Variants in UNC13A observed in about 807,000 individuals in gnomAD.
UNC13A encodes the protein unc-13 homolog A, also known as protein unc-13 homolog A.
A neutral mutation model predicts 219.7 loss-of-function variants in UNC13A; 61 were observed. The ratio of observed to expected loss-of-function variants is 0.28; its 90% confidence interval spans 0.23 to 0.34. The LOEUF (loss-of-function observed/expected upper bound fraction) is 0.34. Ranked by LOEUF, UNC13A falls within the 10% of genes least tolerant of loss-of-function variation. UNC13A has a pLI of 1.00. For missense variants in UNC13A, 1,476 were observed against 2,270.3 expected (o/e 0.65, Z 7.11); for synonymous variants, 920 against 884.6 (o/e 1.04, Z -0.71).
At chr19:17,633,739 A>T (rs936505082) in intron 26 of UNC13A, among the ~76,000 whole-genome samples, 5 of 151,558 alleles carry the variant, frequency 3.3e-5, no homozygotes, top group African/African-American at 9.7e-5. Context: ...CTATTTATCC[A>T]TCCATCCCTC....
intron 28 of UNC13A, among the ~76,000 whole-genome samples, chr19:17,631,034 CT>C: frequency 1.6e-5 from 2 of 123,722 alleles, no homozygotes; most frequent in African/African-American, 3.6e-5. Context: ...TCTCTGAGTC[CT>C]CTCTGAGTCC....
chr19:17,625,600 T>C (rs903080294), intron 34 of UNC13A, among the ~76,000 whole-genome samples: 5 of 151,964 alleles, frequency 3.3e-5, no homozygotes, highest in Non-Finnish European at 7.4e-5. Context: ...CACTTATCCA[T>C]TTATCTATCC....
chr19:17,625,043 A>G, intron 34 of UNC13A, 91 bp from the exon 35 acceptor site: 1 of 1,531,444 alleles, frequency 6.5e-7, no homozygotes, highest in Non-Finnish European at 8.8e-7. Flanking sequence ...CATTCCACAG[A>G]TAGGAAAGAG....
chr19:17,654,062 C>A (rs534415932), intron 11 of UNC13A, among the ~76,000 whole-genome samples: 7 of 149,542 alleles, frequency 4.7e-5, no homozygotes, highest in African/African-American at 1.7e-4. Context: ...CTCCTGACCT[C>A]GTGATCCACC....
rs184028674 is a variant in UNC13A, at chr19:17,607,124, C to T, written c.4812-770G>A. 2.8e-3 allele frequency among the ~76,000 whole-genome samples: 422 copies of T among 152,290 alleles called. 1 individual carries two copies. Among genetic ancestry groups the T allele is most frequent in the Non-Finnish European group, 4.4e-3 (302 of 68,038 alleles). ...CCTAAAGGGGCCAATCGCCCCAAAA[C>T]CTTCTGACCAAGAGCCCTGTGCTGA... On this transcript the variant is annotated intron_variant, in intron 43 of 43. Transcript: ENST00000519716.
At chr19:17,619,048 A>G (rs2076698740) in intron 38 of UNC13A, 86 bp from the exon 39 acceptor site, 5 of 1,311,036 alleles carry the variant, frequency 3.8e-6, no homozygotes, top group Non-Finnish European at 5.5e-6. Context: ...TTCTTGCCCA[A>G]AGGCTCTGGG....
At chr19:17,654,123 G>A (rs770583049) in intron 11 of UNC13A, among the ~76,000 whole-genome samples, 1 of 152,120 alleles carries the variant, frequency 6.6e-6, no homozygotes, top group South Asian at 2.1e-4. Flanking sequence ...AACCACGCCC[G>A]GCCATCACTT....
At chr19:17,641,677 T>A in intron 20 of UNC13A, 121 bp from the exon 21 acceptor site, 1 of 1,037,128 alleles carries the variant, frequency 9.6e-7, no homozygotes, top group Non-Finnish European at 1.4e-6. Flanking sequence ...TTCATTCATC[T>A]ACTCTTTTAT....
At chr19:17,666,261 G>A (rs573506505) in intron 7 of UNC13A, among the ~76,000 whole-genome samples, 2 of 147,288 alleles carry the variant, frequency 1.4e-5, no homozygotes, top group East Asian at 2.0e-4. Context: ...CACCCAGGCT[G>A]GAGTACAGTG....
intron 42 of UNC13A, among the ~76,000 whole-genome samples, chr19:17,611,193 T>A (rs1043226019): frequency 6.6e-6 from 1 of 152,210 alleles, no homozygotes; most frequent in African/African-American, 2.4e-5. Context: ...TCATTTTTGT[T>A]TGTTTGTTTA....
rs927569221 is a variant in UNC13A at position 17,617,946 on chromosome 19, G to A, written c.4411-97C>T. ...GCTGTCCCCACTCCCAATTCTTCCCGCTACTACTTTCTCACCTCTTCCTTT... is the reference window on the plus strand; with the variant it reads ...GCTGTCCCCACTCCCAATTCTTCCCACTACTACTTTCTCACCTCTTCCTTT... On this transcript the variant is annotated intron_variant, in intron 40 of 43. Coordinates refer to ENST00000519716, the MANE Select transcript of UNC13A (RefSeq NM_001080421.3). 8.2e-6 allele frequency: 12 copies of A among 1,471,712 alleles called. No individual in the cohort carries two copies. In the Admixed American group the frequency reaches 1.0e-4, roughly 12 times the overall value. 91.2% of individuals were successfully genotyped at this position (1,471,712 alleles called of 1,614,324 possible). A position where few individuals can be genotyped will look rare whatever the true frequency, so the allele number is the denominator to read the frequency against.
intron 23 of UNC13A, 120 bp from the exon 24 acceptor site, chr19:17,639,645 C>T (rs1008802080): frequency 1.4e-5 from 17 of 1,236,358 alleles, no homozygotes; most frequent in African/African-American, 1.3e-4. Flanking sequence ...TAGAGCACCT[C>T]GAAGCAACTG....
intron 1 of UNC13A, among the ~76,000 whole-genome samples, chr19:17,681,550 T>A (rs2080018364): frequency 6.6e-6 from 1 of 152,184 alleles, no homozygotes; most frequent in Non-Finnish European, 1.5e-5. Flanking sequence ...GAGCCTTCAG[T>A]GTAAAAAACA....
In UNC13A at chr19:17,662,443, T is replaced by C. The variant is rs568437618; in HGVS notation, c.559+1089A>G. ...TGCTTCTACATGATGATGAGTTGTA[T>C]CATTATTTCATTACATACTATAATG... On this transcript the variant is annotated intron_variant, in intron 8 of 43. Coordinates refer to ENST00000519716, the MANE Select transcript of UNC13A (RefSeq NM_001080421.3). Among the ~76,000 whole-genome samples, 7 of 152,016 alleles carry C rather than the reference T, an allele frequency of 4.6e-5. No individual in the cohort carries two copies. In the East Asian group the frequency reaches 1.4e-3, roughly 29 times the overall value.
At chr19:17,621,776 A>G in intron 37 of UNC13A, 56 bp downstream of exon 37, 1 of 1,596,678 alleles carries the variant, frequency 6.3e-7, no homozygotes, top group Non-Finnish European at 8.6e-7. Context: ...ACACACATGC[A>G]CACACATGCC....
At chr19:17,662,236 ACT>A (rs1340855637) in intron 8 of UNC13A, among the ~76,000 whole-genome samples, 3 of 148,854 alleles carry the variant, frequency 2.0e-5, no homozygotes, top group South Asian at 2.1e-4. Context: ...ACAGAGCAAG[ACT>A]CTGTTTCAAA....
In UNC13A at chr19:17,627,956, G is replaced by T; in HGVS notation, c.3754-16C>A. Reference sequence around the variant, plus strand: ...GAATGCAGGGCTGTGGGTGGGAACAGAGAGGGGAGTCAAGCCTCAGGACCT... The same window carrying T: ...GAATGCAGGGCTGTGGGTGGGAACATAGAGGGGAGTCAAGCCTCAGGACCT... On this transcript the variant is annotated splice_polypyrimidine_tract_variant and intron_variant, in intron 31 of 43. Transcript: ENST00000519716. This position sits in a 1 kb window ranked among gnomAD's most constrained non-coding sequence, Gnocchi z 4.7. The T allele has an allele frequency of 6.3e-7, 1 of 1,580,216 alleles. No homozygotes were observed. Among genetic ancestry groups the T allele is most frequent in the East Asian group, 2.3e-5 (1 of 43,448 alleles).
chr19:17,623,343 G>A (rs1347223524), intron 36 of UNC13A, 199 bp downstream of exon 36: 3 of 507,610 alleles, frequency 5.9e-6, no homozygotes, highest in Admixed American at 7.5e-5. Flanking sequence ...GGGAGGGTGG[G>A]CGTGGTCTCC....
chr19:17,674,903 G>T lies in UNC13A; in HGVS notation c.53-147C>A, dbSNP rs2079867574. On this transcript the variant is annotated intron_variant, in intron 2 of 43. Coordinates refer to ENST00000519716, the MANE Select transcript of UNC13A (RefSeq NM_001080421.3). This position sits in a 1 kb window ranked among gnomAD's most constrained non-coding sequence, Gnocchi z 5.0. ...ACAACCCCACCCTCAGGGCACAAGG[G>T]AGGGGCCTCAGTGTGGGGAGACGTG... is the stretch of plus-strand genomic sequence containing the variant. The T allele has an allele frequency of 3.2e-6, 2 of 634,862 alleles. No homozygotes were observed. The highest frequency in any genetic ancestry group is 5.7e-5 in the East Asian group (2 of 34,988). 39.3% of individuals were successfully genotyped at this position (634,862 alleles called of 1,614,324 possible).
Sources: gnomAD v4.1 joint callset for allele counts (sites outside exome capture counted in the v4.1 genomes callset) on GRCh38, gnomAD v4.1.1 for gene constraint, Gnocchi (gnomAD v3.1) non-coding constraint, MANE v1.5 for transcripts, NCBI Gene and HGNC (gene_info 2026-07-23, HGNC 2026-07-21) for gene names.